The following ALOX15 variants were observed in gnomAD, a reference collection of about 807,000 sequenced individuals.
ALOX15 encodes the protein polyunsaturated fatty acid lipoxygenase ALOX15.
A neutral mutation model predicts 71.7 loss-of-function variants in ALOX15; 68 were observed. The ratio of observed to expected loss-of-function variants is 0.95; its 90% CI spans 0.78 to 1.16. The LOEUF (loss-of-function observed/expected upper bound fraction) is 1.16. ALOX15 is among the 50% of genes most tolerant of loss of function. The pLI is 0.00. For missense variants in ALOX15, 798 were observed against 818.8 expected, an observed-to-expected ratio of 0.97 and a Z score of 0.31; for synonymous variants, 346 against 333.3, an observed-to-expected ratio of 1.04 and a Z score of -0.42.
intron 4 of ALOX15, 44 bp from the exon 5 acceptor site, chr17:4,638,728 G>A (rs1952507914): frequency 6.2e-7 from 1 of 1,612,820 alleles, no homozygotes; most frequent in Non-Finnish European, 8.5e-7. Context: ...TCATTCTGAG[G>A]CTCTAACATG....
chr17:4,640,469 A>C (rs1911281114), intron 1 of ALOX15, among the ~76,000 whole-genome samples: 1 of 146,370 alleles, frequency 6.8e-6, no homozygotes, highest in South Asian at 2.1e-4. Flanking sequence ...CATCCCCTTA[A>C]TTCCAAGGAG....
In ALOX15 at chr17:4,635,760, T is replaced by C. The variant is rs368542210; in HGVS notation, c.1160A>G (p.Lys387Arg). Residue 387 changes from lysine (K) to arginine (R), a missense_variant and splice_region_variant, in exon 8 of 14, where the codon AAG (lysine) becomes AGG (arginine). Coordinates refer to ENST00000293761, the MANE Select transcript of ALOX15 (RefSeq NM_001140.5). ...AGAGAGAAGGGGATAAGGAGTTACC[T>C]TGAAGATAGGATGTATCGACGGCAG... ...RCLPSIHPIF[K>R]LIIPHLRYTL... 6.2e-7 allele frequency: 1 copy of C among 1,614,110 alleles called. No individual in the cohort carries two copies. The highest frequency in any genetic ancestry group is 8.5e-7 in the Non-Finnish European group (1 of 1,180,008).
rs768518643 is a variant in ALOX15 at position 4,641,655 on chromosome 17, G to C, written c.-4C>G. ...CGCGGATGCGGTAGAGACCCATCTT[G>C]CTCAAAGATGTTTCGCTCCTTCTGG... On this transcript the variant is annotated 5_prime_UTR_variant, in exon 1 of 14. Coordinates refer to ENST00000293761, the MANE Select transcript of ALOX15 (RefSeq NM_001140.5). 1 of 1,604,072 alleles carries C rather than the reference G, an allele frequency of 6.2e-7. No homozygotes were observed. Among genetic ancestry groups the C allele is most frequent in the Admixed American group, 1.7e-5 (1 of 58,594 alleles).
At chr17:4,635,420 G>A (rs1480882108) in intron 8 of ALOX15, among the ~76,000 whole-genome samples, 5 of 136,518 alleles carry the variant, frequency 3.7e-5, no homozygotes, top group Non-Finnish European at 8.0e-5. Flanking sequence ...GGCAAAGGGA[G>A]ACTCCATCTC....
chr17:4,635,562 G>A (rs11568116), intron 8 of ALOX15, among the ~76,000 whole-genome samples, 197 bp downstream of exon 8: 4 of 152,088 alleles, frequency 2.6e-5, no homozygotes, highest in South Asian at 2.1e-4. Context: ...GATTATTTTC[G>A]CCACTTTCCC....
In ALOX15 at chr17:4,638,142, G is replaced by T. The variant is rs1175757590; in HGVS notation, c.807+75C>A. The T allele has an allele frequency of 1.2e-5, 7 of 576,016 alleles. No homozygotes were observed. In the Admixed American group the frequency reaches 2.2e-4, roughly 18 times the overall value. The allele number at this position is 576,016 out of a possible 1,614,324, so 35.7% of individuals were successfully genotyped here. A position where few individuals can be genotyped will look rare whatever the true frequency, so the allele number is the denominator to read the frequency against. ...TGGCAGCAAGCCAGGCCCACAGTGG[G>T]TCCCGCAGCAGCATCATTGGCACTA... On this transcript the variant is annotated intron_variant, in intron 6 of 13. Coordinates refer to ENST00000293761, the MANE Select transcript of ALOX15 (RefSeq NM_001140.5).
chr17:4,637,341 G>A, intron 6 of ALOX15, 83 bp from the exon 7 acceptor site: 1 of 1,459,892 alleles, frequency 6.8e-7, no homozygotes, highest in Non-Finnish European at 9.2e-7. Context: ...GGAAGAGAGT[G>A]GAGCTAACTC....
Position 4,638,835 on chromosome 17 carries a change from T to G in ALOX15, c.542+15A>C. ...CAGGACACCTCCCTCTCACCCAGCC[T>G]CCCCTTGCTCTCACCCCTTGGCCAG... On this transcript the variant is annotated intron_variant, in intron 4 of 13. Transcript: ENST00000293761. 1 of 1,614,086 alleles carries G rather than the reference T, an allele frequency of 6.2e-7. No individual in the cohort carries two copies. Among genetic ancestry groups the G allele is most frequent in the East Asian group, 2.2e-5 (1 of 44,882 alleles).
Position 4,632,261 on chromosome 17 carries a change from C to T in ALOX15, c.1561G>A (p.Ala521Thr), listed in dbSNP as rs1168114919. Residue 521 changes from alanine to threonine, a missense_variant, in exon 12 of 14, where the codon GCT becomes ACT. Around this residue, in one of 3 missense-constraint regions of ALOX15, gnomAD observed 490 missense variants for 509.4 expected, o/e 0.96. Coordinates refer to ENST00000293761, the MANE Select transcript of ALOX15 (RefSeq NM_001140.5). ...ACAAAGTGGCAAACCTGGTCCCGAG[C>T]CTGTAAAGAGACAGGAAACCCTGCA... ...QDRGFPVSLQARDQVCHFVTM... is the reference protein window; with the variant it reads ...QDRGFPVSLQTRDQVCHFVTM... 2 of 1,614,036 alleles carry T rather than the reference C, an allele frequency of 1.2e-6. No homozygotes were observed. The highest frequency in any genetic ancestry group is 1.7e-6 in the Non-Finnish European group (2 of 1,180,032).
rs761260604 is a variant in ALOX15 at position 4,637,217 on chromosome 17, C to T, written c.849G>A (p.Gly283=). Residue 283 remains glycine (G), a synonymous_variant, in exon 7 of 14, where the codon GGG becomes GGA. Coordinates refer to ENST00000293761, the MANE Select transcript of ALOX15 (RefSeq NM_001140.5). ...TACAGAGAATGACGTTGGCCTTGAT[C>T]CCATCCAGCAGGGAGAAGTCAGCTT... The part of the protein sequence containing the change: ...LFEADFSLLD[G]IKANVILCSQ... 254 of 1,613,742 alleles carry T rather than the reference C, an allele frequency of 1.6e-4. No individual in the cohort carries two copies. The highest frequency in any genetic ancestry group is 2.1e-4 in the Non-Finnish European group (242 of 1,179,818).
Position 4,638,691 on chromosome 17 carries a change from G to A in ALOX15, c.543-7C>T, listed in dbSNP as rs1023106801. 1.9e-5 allele frequency: 30 copies of A among 1,613,812 alleles called. No homozygotes were observed. The highest frequency in any genetic ancestry group is 2.4e-5 in the Non-Finnish European group (28 of 1,179,828). On this transcript the variant is annotated splice_region_variant and splice_polypyrimidine_tract_variant and intron_variant, in intron 4 of 13. Coordinates refer to ENST00000293761, the MANE Select transcript of ALOX15 (RefSeq NM_001140.5). Reference sequence around the variant, plus strand: ...GATAGCGAGGTCGGCCAGCCTTCAGGGCAGGATGGGGCAAAGGGTTTGAGC... The same window carrying A: ...GATAGCGAGGTCGGCCAGCCTTCAGAGCAGGATGGGGCAAAGGGTTTGAGC...
At chr17:4,639,322 C>G in intron 2 of ALOX15, 108 bp downstream of exon 2, 1 of 1,456,030 alleles carries the variant, frequency 6.9e-7, no homozygotes, top group Non-Finnish European at 9.4e-7. Flanking sequence ...AAGACCCCGG[C>G]GCTCCAGGTT....
At position 4,638,955 on chromosome 17, in the gene ALOX15, T is replaced by C. The variant is rs1357076854; in HGVS notation, c.437A>G (p.Asp146Gly). ...RKLYRWGNWK[D>G]GLILNMAGAK... ...CCCAGCCATATTCAGAATTAACCCG[T>C]CCTTCCAGTTTCCCCACCTGTGGGG... Residue 146 changes from aspartate (D) to glycine (G), a missense_variant, in exon 4 of 14, where the codon GAC (aspartate) becomes GGC (glycine). Asp to Gly is a moderately conservative substitution (Grantham distance 94). Around this residue, in one of 3 missense-constraint regions of ALOX15, gnomAD observed 300 missense variants for 283.1 expected, o/e 1.06. Transcript: ENST00000293761. 6.2e-7 allele frequency: 1 copy of C among 1,614,206 alleles called. No individual in the cohort carries two copies. Among genetic ancestry groups the C allele is most frequent in the African/African-American group, 1.3e-5 (1 of 75,048 alleles).
chr17:4,636,931 G>A (rs1567647963), intron 7 of ALOX15, among the ~76,000 whole-genome samples, 184 bp downstream of exon 7: 1 of 152,138 alleles, frequency 6.6e-6, no homozygotes, highest in African/African-American at 2.4e-5. Flanking sequence ...CTGCAGACTG[G>A]CCCAGTCTGT....
intron 8 of ALOX15, among the ~76,000 whole-genome samples, chr17:4,633,790 T>A (rs1379303676): frequency 6.6e-6 from 1 of 152,102 alleles, no homozygotes; most frequent in African/African-American, 2.4e-5. Flanking sequence ...TAAATGCCCA[T>A]CAACAATAGA....
At chr17:4,638,762 G>T (rs1911207953) in intron 4 of ALOX15, 78 bp from the exon 5 acceptor site, 4 of 1,612,970 alleles carry the variant, frequency 2.5e-6, no homozygotes, top group East Asian at 2.2e-5. Context: ...CCGATCCTGG[G>T]CCAGTCCAAT....
chr17:4,641,574 C>A lies in ALOX15; in HGVS notation c.78G>T (p.Leu26=). The part of the protein sequence containing the change: ...AGSNNQVQLW[L]VGQHGEAALG... Reference sequence around the variant, plus strand: ...GCGCCGCCTCCCCGTGCTGGCCGACCAGCCACAGCTGCACCTGGTTGTTGG... The same window carrying A: ...GCGCCGCCTCCCCGTGCTGGCCGACAAGCCACAGCTGCACCTGGTTGTTGG... Residue 26 remains leucine, a synonymous_variant, in exon 1 of 14, where the codon CTG becomes CTT. Coordinates refer to ENST00000293761, the MANE Select transcript of ALOX15 (RefSeq NM_001140.5). The A allele has an allele frequency of 6.2e-7, 1 of 1,613,754 alleles. No individual in the cohort carries two copies. Among genetic ancestry groups the A allele is most frequent in the Non-Finnish European group, 8.5e-7 (1 of 1,180,040 alleles).
chr17:4,637,254 C>T lies in ALOX15; in HGVS notation c.812G>A (p.Gly271Asp). ...QAQLEKELEG[G>D]TLFEADFSLL... ...GGAGAAGTCAGCTTCGAACAGTGTG[C>T]CTCCCTGGGTGGGGGAAGAGGTCAA... Residue 271 changes from glycine to aspartate, a missense_variant, in exon 7 of 14, where the codon GGC becomes GAC. Gly to Asp is a moderately conservative substitution (Grantham distance 94, BLOSUM62 -1). Coordinates refer to ENST00000293761, the MANE Select transcript of ALOX15 (RefSeq NM_001140.5). 6.2e-7 allele frequency: 1 copy of T among 1,610,510 alleles called. No individual in the cohort carries two copies. Among genetic ancestry groups the T allele is most frequent in the Non-Finnish European group, 8.5e-7 (1 of 1,177,662 alleles).
chr17:4,637,186 G>C lies in ALOX15; in HGVS notation c.880C>G (p.Gln294Glu). Reference protein sequence around the residue: ...IKANVILCSQQHLAAPLVMLK... With the variant: ...IKANVILCSQEHLAAPLVMLK... Reference sequence around the variant, plus strand: ...ATGACTAGAGGGGCAGCCAGGTGCTGCTGGCTACAGAGAATGACGTTGGCC... The same window carrying C: ...ATGACTAGAGGGGCAGCCAGGTGCTCCTGGCTACAGAGAATGACGTTGGCC... The change falls in exon 7 of 14, where the codon CAG (glutamine) becomes GAG (glutamate). Residue 294 changes from glutamine to glutamate, a missense_variant. This residue lies in a region of ALOX15 where 490 missense variants were observed against 509.4 expected (regional missense o/e 0.96). Transcript: ENST00000293761. The C allele has an allele frequency of 6.2e-7, 1 of 1,613,964 alleles. No individual in the cohort carries two copies. Among genetic ancestry groups the C allele is most frequent in the Non-Finnish European group, 8.5e-7 (1 of 1,179,884 alleles).
Sources: gnomAD v4.1 joint callset for allele counts (sites outside exome capture counted in the v4.1 genomes callset) on GRCh38, gnomAD v4.1.1 for gene constraint, gnomAD v4.1.1 regional missense constraint, MANE v1.5 for transcripts, NCBI Gene and HGNC (gene_info 2026-07-23, HGNC 2026-07-21) for gene names.